Variants in TBL1XR1 observed in about 807,000 individuals in gnomAD.
TBL1XR1 encodes F-box-like/WD repeat-containing protein TBL1XR1.
In TBL1XR1, 5 loss-of-function variants were observed where a neutral mutation model predicts 66.9. That is an observed-to-expected ratio of 0.07 (90% confidence interval 0.04 to 0.16). The LOEUF is 0.16. Ranked by LOEUF, TBL1XR1 falls within the 10% of genes least tolerant of loss-of-function variation. The pLI, the probability that TBL1XR1 is intolerant of heterozygous loss-of-function variation, is 1.00. For missense variants in TBL1XR1, 238 were observed against 623.2 expected, an observed-to-expected ratio of 0.38 and a Z score of 6.58; for synonymous variants, 210 against 206.0, an observed-to-expected ratio of 1.02 and a Z score of -0.17.
chr3:177,166,137 A>G (rs1389262615), intron 1 of TBL1XR1, among the ~76,000 whole-genome samples: 2 of 152,172 alleles, frequency 1.3e-5, no homozygotes, highest in African/African-American at 4.8e-5. Context: ...CTGTAATCCC[A>G]GCACTCTGGG....
intron 1 of TBL1XR1, among the ~76,000 whole-genome samples, chr3:177,144,367 G>A (rs1729988691): frequency 6.6e-6 from 1 of 152,188 alleles, no homozygotes. Flanking sequence ...GCCAAGGTTA[G>A]AAAACGTTTT....
chr3:177,021,194 C>T lies in TBL1XR1; in HGVS notation c.*4304G>A, dbSNP rs562508501. ...AATGGAAACAGTATAGCTACAATGT[C>T]AAAGTCAGGAAAGAAGAAAATTTAC... is the stretch of plus-strand genomic sequence containing the variant. On this transcript the variant is annotated 3_prime_UTR_variant, in exon 16 of 16. Transcript: ENST00000457928. The T allele has an allele frequency of 3.9e-5, 6 of 152,494 alleles. No homozygotes were observed. Among genetic ancestry groups the T allele is most frequent in the Admixed American group, 1.3e-4 (2 of 15,278 alleles). 9.4% of individuals were successfully genotyped at this position (152,494 alleles called of 1,614,324 possible).
intron 1 of TBL1XR1, among the ~76,000 whole-genome samples, chr3:177,102,333 C>A (rs1276060105): frequency 6.6e-6 from 1 of 152,000 alleles, no homozygotes; most frequent in Non-Finnish European, 1.5e-5. Context: ...AATGGTATAC[C>A]AACTGCACCT....
At chr3:177,162,873 C>G in intron 1 of TBL1XR1, among the ~76,000 whole-genome samples, 1 of 152,264 alleles carries the variant, frequency 6.6e-6, no homozygotes, top group Non-Finnish European at 1.5e-5. Flanking sequence ...TCTTCACTAG[C>G]AGATTATCAA....
intron 6 of TBL1XR1, 143 bp from the exon 7 acceptor site, chr3:177,050,281 A>C: frequency 7.8e-7 from 1 of 1,278,036 alleles, no homozygotes; most frequent in Non-Finnish European, 1.1e-6. Context: ...CCCATTCTAC[A>C]CGTTGGGACC....
chr3:177,036,919 C>T (rs1714870393), intron 12 of TBL1XR1, among the ~76,000 whole-genome samples: 1 of 152,180 alleles, frequency 6.6e-6, no homozygotes, highest in African/African-American at 2.4e-5. Flanking sequence ...CAGGAGAGGG[C>T]TCAAAGCTTC....
At chr3:177,041,360 G>A (rs1425193933) in intron 10 of TBL1XR1, among the ~76,000 whole-genome samples, 1 of 152,124 alleles carries the variant, frequency 6.6e-6, no homozygotes, top group African/African-American at 2.4e-5. Context: ...GAAAAACTTT[G>A]AGGTGCAAGC....
intron 1 of TBL1XR1, among the ~76,000 whole-genome samples, chr3:177,135,848 A>G (rs1264755120): frequency 6.6e-6 from 1 of 151,054 alleles, no homozygotes; most frequent in Non-Finnish European, 1.5e-5. Flanking sequence ...TTTTTTTTTT[A>G]AACCATGTAA....
At chr3:177,136,837 T>G (rs1300153562) in intron 1 of TBL1XR1, among the ~76,000 whole-genome samples, 1 of 152,218 alleles carries the variant, frequency 6.6e-6, no homozygotes, top group Non-Finnish European at 1.5e-5. Flanking sequence ...GGGCTTTTAC[T>G]AAATCATTTT....
At chr3:177,154,819 T>C (rs976131160) in intron 1 of TBL1XR1, among the ~76,000 whole-genome samples, 9 of 152,216 alleles carry the variant, frequency 5.9e-5, no homozygotes, top group African/African-American at 2.2e-4. Flanking sequence ...GACTCGTATT[T>C]ACAGAAAACA....
chr3:177,045,932 G>A (rs2108473278), intron 10 of TBL1XR1, among the ~76,000 whole-genome samples, 197 bp downstream of exon 10: 1 of 152,162 alleles, frequency 6.6e-6, no homozygotes, highest in East Asian at 1.9e-4. Context: ...ATGCTTTATG[G>A]TACATTTCAC....
chr3:177,070,468 A>G (rs540400644), intron 2 of TBL1XR1, among the ~76,000 whole-genome samples: 9 of 152,384 alleles, frequency 5.9e-5, no homozygotes, highest in African/African-American at 1.4e-4. Flanking sequence ...CTTCTGGTAC[A>G]TATTTTCAAT....
intron 14 of TBL1XR1, chr3:177,032,740 G>A: frequency 2.9e-6 from 1 of 343,652 alleles, no homozygotes; most frequent in Non-Finnish European, 5.2e-6. Flanking sequence ...AAAACCGTTG[G>A]AAAAAAACAA....
intron 3 of TBL1XR1, among the ~76,000 whole-genome samples, chr3:177,059,817 T>G (rs1718280415): frequency 6.6e-6 from 1 of 152,180 alleles, no homozygotes; most frequent in Non-Finnish European, 1.5e-5. Context: ...AAGAGGTAGA[T>G]CCACCCTCAA....
Position 177,021,558 on chromosome 3 carries a change from T to A in TBL1XR1, c.*3940A>T, listed in dbSNP as rs1712365753. ...CTTCTACATTTAACTAGAATCATGT[T>A]TAAAAAAAACTGATATTAAATGTGA... On this transcript the variant is annotated 3_prime_UTR_variant, in exon 16 of 16. Transcript: ENST00000457928. 1 of 152,526 alleles carries A rather than the reference T, an allele frequency of 6.6e-6. No individual in the cohort carries two copies. 9.4% of individuals were successfully genotyped at this position (152,526 alleles called of 1,614,324 possible).
rs556540273 is a variant in TBL1XR1 at position 177,025,357 on chromosome 3, C to A, written c.*141G>T. The A allele has an allele frequency of 4.1e-4, 298 of 728,748 alleles. 4 individuals carry two copies. The South Asian group carries it at 6.4e-3, about 16-fold the overall frequency. 45.1% of individuals were successfully genotyped at this position (728,748 alleles called of 1,614,324 possible). A position where few individuals can be genotyped will look rare whatever the true frequency, so the allele number is the denominator to read the frequency against. Reference sequence around the variant, plus strand: ...CAGGGTGCAATTTTGTTTATATACACTGTATGTATATATTTCTTTTAGATT... The same window carrying A: ...CAGGGTGCAATTTTGTTTATATACAATGTATGTATATATTTCTTTTAGATT... On this transcript the variant is annotated 3_prime_UTR_variant, in exon 16 of 16. Coordinates refer to ENST00000457928, the MANE Select transcript of TBL1XR1 (RefSeq NM_024665.7).
At chr3:177,111,753 T>C (rs1216900066) in intron 1 of TBL1XR1, among the ~76,000 whole-genome samples, 1 of 152,116 alleles carries the variant, frequency 6.6e-6, no homozygotes, top group Non-Finnish European at 1.5e-5. Flanking sequence ...TGGCTGTTAA[T>C]ATTGACATTT....
chr3:177,195,597 T>A (rs1736746131), intron 1 of TBL1XR1: 1 of 151,892 alleles, frequency 6.6e-6, no homozygotes, highest in Non-Finnish European at 1.5e-5. Context: ...AATTATTTAT[T>A]CCAAGTTATT....
chr3:177,106,284 G>A (rs776404249), intron 1 of TBL1XR1, among the ~76,000 whole-genome samples: 14 of 152,062 alleles, frequency 9.2e-5, no homozygotes, highest in Non-Finnish European at 1.5e-4. Flanking sequence ...GGAAACCATC[G>A]CGCAAATCAA....
Sources: gnomAD v4.1 joint callset for allele counts (sites outside exome capture counted in the v4.1 genomes callset) on GRCh38, gnomAD v4.1.1 for gene constraint, MANE v1.5 for transcripts, NCBI Gene and HGNC (gene_info 2026-07-23, HGNC 2026-07-21) for gene names.